The following HOOK1 variants were observed in gnomAD, a reference collection of about 807,000 sequenced individuals.
The protein encoded by HOOK1 is hook microtubule tethering protein 1, also known as protein Hook homolog 1.
Under a neutral mutation model 112.8 loss-of-function variants are expected in HOOK1, and 60 were observed. That is an observed-to-expected ratio of 0.53 (90% CI 0.43 to 0.66). The LOEUF (loss-of-function observed/expected upper bound fraction) is 0.66, where lower values mean the gene tolerates loss of function less well. Ranked by LOEUF, HOOK1 falls within the 30% of genes least tolerant of loss-of-function variation. The pLI is 0.00. For missense variants in HOOK1, 770 were observed against 856.0 expected, an observed-to-expected ratio of 0.90 and a Z score of 1.25; for synonymous variants, 294 against 283.8, an observed-to-expected ratio of 1.04 and a Z score of -0.36.
chr1:59,844,155 G>A (rs1264121718), intron 9 of HOOK1, among the ~76,000 whole-genome samples: 1 of 151,842 alleles, frequency 6.6e-6, no homozygotes, highest in African/African-American at 2.4e-5. Context: ...CCCTAAAAAA[G>A]TTGCAAGAAT....
At chr1:59,857,693 A>G (rs1297416045) in intron 12 of HOOK1, among the ~76,000 whole-genome samples, 1 of 152,238 alleles carries the variant, frequency 6.6e-6, no homozygotes, top group African/African-American at 2.4e-5. Context: ...GGAACATAAC[A>G]GCATTTAACA....
chr1:59,870,344 G>A (rs1205911088), intron 20 of HOOK1, among the ~76,000 whole-genome samples: 1 of 152,232 alleles, frequency 6.6e-6, no homozygotes, highest in East Asian at 1.9e-4. Context: ...GAAATGTAAT[G>A]TAAATAGCAG....
rs2098401373 is a variant in HOOK1, at chr1:59,842,190, A to G, written c.622-1242A>G. Among the ~76,000 whole-genome samples the G allele has an allele frequency of 3.9e-5, 6 of 152,030 alleles. No individual in the cohort carries two copies. In the South Asian group the frequency reaches 1.2e-3, roughly 31 times the overall value. ...TGTCAGTCATTTTTTGACAGCCCCT[A>G]CACTCAAGCTAGAATGAGATATTCT... On this transcript the variant is annotated intron_variant, in intron 8 of 21. Coordinates refer to ENST00000371208, the MANE Select transcript of HOOK1 (RefSeq NM_015888.6).
intron 7 of HOOK1, among the ~76,000 whole-genome samples, chr1:59,839,233 A>G (rs890580884): frequency 6.6e-6 from 1 of 152,292 alleles, no homozygotes; most frequent in African/African-American, 2.4e-5. Context: ...AATTCTGTGA[A>G]GAAAGTCAGT....
chr1:59,825,890 GTATGGACATCCATC>G (rs2098389530), intron 2 of HOOK1, among the ~76,000 whole-genome samples: 1 of 152,146 alleles, frequency 6.6e-6, no homozygotes, highest in Non-Finnish European at 1.5e-5. Context: ...GTCCATGTAA[GTATGGACATCCATC>G]TATGGACATC....
intron 5 of HOOK1, among the ~76,000 whole-genome samples, 155 bp downstream of exon 5, chr1:59,833,692 A>G (rs1380453288): frequency 6.6e-6 from 1 of 152,152 alleles, no homozygotes; most frequent in Non-Finnish European, 1.5e-5. Context: ...CTGTCGTTGA[A>G]AAGTGGCATA....
At chr1:59,820,344 T>G (rs564841667) in intron 1 of HOOK1, among the ~76,000 whole-genome samples, 1 of 152,344 alleles carries the variant, frequency 6.6e-6, no homozygotes, top group Admixed American at 6.5e-5. Flanking sequence ...CTACTGTTTC[T>G]TATTATGTAG....
rs772111882 is a variant in HOOK1, at chr1:59,843,419, A to T, written c.622-13A>T. On this transcript the variant is annotated splice_polypyrimidine_tract_variant and intron_variant, in intron 8 of 21. Transcript: ENST00000371208. ...TTTCTACTGGTGCTTATGTATGTGT[A>T]TTTGTTTCTTAGGTGACTACACTTC... is the stretch of plus-strand genomic sequence containing the variant. 2.3e-5 allele frequency: 36 copies of T among 1,586,382 alleles called. No homozygotes were observed. Among genetic ancestry groups the T allele is most frequent in the Non-Finnish European group, 2.8e-5 (33 of 1,164,858 alleles).
chr1:59,843,143 G>A (rs1229983369), intron 8 of HOOK1, among the ~76,000 whole-genome samples: 1 of 151,674 alleles, frequency 6.6e-6, no homozygotes, highest in African/African-American at 2.4e-5. Context: ...TCAAATTTTA[G>A]AGACTTGAAA....
At chr1:59,852,096 G>A (rs2098407450) in intron 12 of HOOK1, among the ~76,000 whole-genome samples, 2 of 151,422 alleles carry the variant, frequency 1.3e-5, no homozygotes, top group African/African-American at 4.8e-5. Context: ...TTTTTCCATC[G>A]GTATTATAAG....
At chr1:59,858,310 A>G (rs917087229) in intron 12 of HOOK1, 118 bp from the exon 13 acceptor site, 1 of 707,108 alleles carries the variant, frequency 1.4e-6, no homozygotes, top group Non-Finnish European at 2.5e-6. Context: ...TAAAACTAAA[A>G]CATTGTCACT....
At position 59,843,476 on chromosome 1, in the gene HOOK1, T is replaced by C; in HGVS notation, c.666T>C (p.Asn222=). The change falls in exon 9 of 22, where the codon AAT becomes AAC. Residue 222 remains asparagine, a synonymous_variant. Coordinates refer to ENST00000371208, the MANE Select transcript of HOOK1 (RefSeq NM_015888.6). ...AAAAGAATTCACTGGTTTCTGAAAATGAGATGATGAATGAAAAACTTGACC... is the reference window on the plus strand; with the variant it reads ...AAAAGAATTCACTGGTTTCTGAAAACGAGATGATGAATGAAAAACTTGACC... The part of the protein sequence containing the change: ...QDEKNSLVSE[N]EMMNEKLDQL... 1 of 1,610,824 alleles carries C rather than the reference T, an allele frequency of 6.2e-7. No individual in the cohort carries two copies.
intron 12 of HOOK1, among the ~76,000 whole-genome samples, chr1:59,850,342 A>G (rs1047431966): frequency 6.6e-6 from 1 of 150,982 alleles, no homozygotes; most frequent in Non-Finnish European, 1.5e-5. Flanking sequence ...TCTTGATGAT[A>G]TAGTTTGCAG....
chr1:59,827,068 A>AT (rs1046996797), intron 2 of HOOK1, among the ~76,000 whole-genome samples: 19 of 150,022 alleles, frequency 1.3e-4, no homozygotes, highest in Non-Finnish European at 1.8e-4. Flanking sequence ...CTGGCCCAAG[A>AT]TTTTTTTTTT....
At chr1:59,857,161 A>C (rs555177830) in intron 12 of HOOK1, among the ~76,000 whole-genome samples, 51 of 152,284 alleles carry the variant, frequency 3.3e-4, no homozygotes, top group African/African-American at 1.1e-3. Context: ...GAGTCCCTAC[A>C]AATGGGATTT....
intron 1 of HOOK1, among the ~76,000 whole-genome samples, chr1:59,817,756 C>T (rs1339476273): frequency 6.6e-6 from 1 of 152,170 alleles, no homozygotes; most frequent in Non-Finnish European, 1.5e-5. Context: ...TTCAGGGACT[C>T]TTTGTTACAA....
intron 12 of HOOK1, among the ~76,000 whole-genome samples, chr1:59,855,237 G>T (rs1242811323): frequency 6.6e-6 from 1 of 152,156 alleles, no homozygotes; most frequent in African/African-American, 2.4e-5. Context: ...CCTCAACCAG[G>T]TATTAAGCCC....
chr1:59,826,812 G>C (rs1008459804), intron 2 of HOOK1, among the ~76,000 whole-genome samples: 4 of 152,158 alleles, frequency 2.6e-5, no homozygotes, highest in African/African-American at 7.2e-5. Context: ...GCCCAGGCTG[G>C]AGTGCAAAGG....
chr1:59,833,627 C>T (rs1047109588), intron 5 of HOOK1, 90 bp downstream of exon 5: 31 of 1,133,528 alleles, frequency 2.7e-5, no homozygotes, highest in Non-Finnish European at 3.5e-5. Flanking sequence ...ACTATTAAAG[C>T]TTGGCAGAAA....
Sources: gnomAD v4.1 joint callset for allele counts (sites outside exome capture counted in the v4.1 genomes callset) on GRCh38, gnomAD v4.1.1 for gene constraint, MANE v1.5 for transcripts, NCBI Gene and HGNC (gene_info 2026-07-23, HGNC 2026-07-21) for gene names.